Variants in FSTL4 observed in about 807,000 individuals in gnomAD.
The protein encoded by FSTL4 is follistatin like 4, also known as follistatin-related protein 4.
In FSTL4, 28 loss-of-function variants were observed where a neutral mutation model predicts 78.2. The ratio of observed to expected loss-of-function variants is 0.36; its 90% CI spans 0.27 to 0.49. The LOEUF is 0.49. FSTL4 is among the 20% of genes least tolerant of loss of function. The probability of loss-of-function intolerance (pLI) is 0.98; values close to 1 mark genes in which losing one functional copy is unlikely to be tolerated. For missense variants in FSTL4, 922 were observed against 1,084.9 expected, an observed-to-expected ratio of 0.85 and a Z score of 2.11; for synonymous variants, 422 against 440.5, an observed-to-expected ratio of 0.96 and a Z score of 0.53.
chr5:133,543,635 T>C (rs1273806648), intron 3 of FSTL4, among the ~76,000 whole-genome samples: 1 of 152,176 alleles, frequency 6.6e-6, no homozygotes, highest in Non-Finnish European at 1.5e-5. Context: ...TTCTGGAATA[T>C]TGTTTTTCAT....
intron 14 of FSTL4, among the ~76,000 whole-genome samples, chr5:133,203,842 ACTT>A (rs1330962522): frequency 2.0e-5 from 3 of 152,202 alleles, no homozygotes; most frequent in Admixed American, 6.5e-5. Flanking sequence ...TTCAGAGGTT[ACTT>A]CATCAAAACG....
intron 3 of FSTL4, among the ~76,000 whole-genome samples, chr5:133,467,054 ATATG>A (rs995879572): frequency 8.6e-5 from 13 of 151,306 alleles, no homozygotes; most frequent in African/African-American, 1.9e-4. Flanking sequence ...TTGTATGAGT[ATATG>A]TATGTATGTG....
intron 8 of FSTL4, among the ~76,000 whole-genome samples, chr5:133,226,749 C>T (rs1475847538): frequency 6.6e-6 from 1 of 152,228 alleles, no homozygotes; most frequent in African/African-American, 2.4e-5. Context: ...CTACATTTTC[C>T]TAGAGTTATC....
intron 3 of FSTL4, among the ~76,000 whole-genome samples, chr5:133,412,266 T>C (rs1756491257): frequency 6.6e-6 from 1 of 152,140 alleles, no homozygotes; most frequent in Non-Finnish European, 1.5e-5. Context: ...AGAAAGCTGC[T>C]GTGATAAAAT....
intron 3 of FSTL4, among the ~76,000 whole-genome samples, chr5:133,503,107 T>C (rs1758536137): frequency 6.6e-6 from 1 of 152,248 alleles, no homozygotes; most frequent in Non-Finnish European, 1.5e-5. Context: ...TACTCGCTCA[T>C]TAGCAGAAAG....
At chr5:133,249,616 C>T in intron 6 of FSTL4, 40 bp from the exon 7 acceptor site, 1 of 1,563,986 alleles carries the variant, frequency 6.4e-7, no homozygotes, top group East Asian at 2.3e-5. Context: ...GGTGCAGGCC[C>T]AGGGATTGGA....
In FSTL4 at chr5:133,232,955, G is replaced by A. The variant is rs546826328; in HGVS notation, c.1015+462C>T. 1.1e-4 allele frequency among the ~76,000 whole-genome samples: 16 copies of A among 152,366 alleles called. No individual in the cohort carries two copies. The South Asian group carries it at 3.3e-3, about 32-fold the overall frequency. ...GATGAGGCTCATTGGGCCTCCTGGGGAGGGAGACGGACACAAGCCCTTGTC... is the reference window on the plus strand; with the variant it reads ...GATGAGGCTCATTGGGCCTCCTGGGAAGGGAGACGGACACAAGCCCTTGTC... On this transcript the variant is annotated intron_variant, in intron 8 of 15. Coordinates refer to ENST00000265342, the MANE Select transcript of FSTL4 (RefSeq NM_015082.2).
intron 4 of FSTL4, 69 bp downstream of exon 4, chr5:133,400,669 A>C: frequency 4.3e-6 from 6 of 1,394,986 alleles, no homozygotes; most frequent in Non-Finnish European, 6.1e-6. Flanking sequence ...CACCCAGGTC[A>C]CTTGTCAAAA....
chr5:133,798,877 G>T, the FSTL4 span, among the ~76,000 whole-genome samples: 1 of 150,730 alleles, frequency 6.6e-6, no homozygotes, highest in East Asian at 1.9e-4. Flanking sequence ...CTCCTACGGT[G>T]GGCCTAGGAC....
At position 133,433,504 on chromosome 5, in the gene FSTL4, A is replaced by G. The variant is rs1404150298; in HGVS notation, c.161-32518T>C. Among the ~76,000 whole-genome samples, 5 of 152,240 alleles carry G rather than the reference A, an allele frequency of 3.3e-5. No homozygotes were observed. In the East Asian group the frequency reaches 7.7e-4, roughly 23 times the overall value. On this transcript the variant is annotated intron_variant, in intron 3 of 15. Coordinates refer to ENST00000265342, the MANE Select transcript of FSTL4 (RefSeq NM_015082.2). Reference sequence around the variant, plus strand: ...ATGAAATGTTTTTGGTTTGATTTCTATTTCATTCATGTGGCAAGCATTTAT... The same window carrying G: ...ATGAAATGTTTTTGGTTTGATTTCTGTTTCATTCATGTGGCAAGCATTTAT...
At position 133,548,103 on chromosome 5, in the gene FSTL4, T is replaced by C. The variant is rs1002160744; in HGVS notation, c.160+19083A>G. 5.9e-5 allele frequency among the ~76,000 whole-genome samples: 9 copies of C among 152,340 alleles called. No individual in the cohort carries two copies. In the East Asian group the frequency reaches 1.7e-3, roughly 29 times the overall value. ...TAGGACCCTCCCAGACCTTGCTCTA[T>C]GTATTTCTTCATTTGGCTTCATCTG... On this transcript the variant is annotated intron_variant, in intron 3 of 15. Transcript: ENST00000265342.
At chr5:133,351,165 ATAT>A (rs1270888964) in intron 4 of FSTL4, among the ~76,000 whole-genome samples, 1 of 152,058 alleles carries the variant, frequency 6.6e-6, no homozygotes, top group Non-Finnish European at 1.5e-5. Flanking sequence ...GTAGCTTCTA[ATAT>A]TATTCCATTG....
At chr5:133,479,921 T>C (rs1322877471) in intron 3 of FSTL4, among the ~76,000 whole-genome samples, 1 of 152,194 alleles carries the variant, frequency 6.6e-6, no homozygotes, top group Non-Finnish European at 1.5e-5. Context: ...CCTGTGGTCT[T>C]TGGGAAATGC....
At chr5:133,649,263 A>T in the FSTL4 span, among the ~76,000 whole-genome samples, 1 of 152,212 alleles carries the variant, frequency 6.6e-6, no homozygotes, top group East Asian at 1.9e-4. Flanking sequence ...CCATTTGCCT[A>T]CTGAAGGACA....
chr5:133,722,954 G>T, the FSTL4 span, among the ~76,000 whole-genome samples: 2 of 152,324 alleles, frequency 1.3e-5, no homozygotes, highest in South Asian at 4.1e-4. Context: ...TTAGGTCAAA[G>T]GCGTTAGTGA....
the FSTL4 span, among the ~76,000 whole-genome samples, chr5:133,654,547 A>C: frequency 5.3e-5 from 8 of 152,296 alleles, no homozygotes; most frequent in East Asian, 1.5e-3. Flanking sequence ...CATTGCCTGC[A>C]TTCTCTATGG....
the FSTL4 span, among the ~76,000 whole-genome samples, chr5:133,824,399 A>G: frequency 1.3e-5 from 2 of 152,364 alleles, no homozygotes; most frequent in South Asian, 4.1e-4. Context: ...TCCACAGAAC[A>G]AGGCATGTGC....
chr5:133,358,093 C>G (rs1467692217), intron 4 of FSTL4, among the ~76,000 whole-genome samples: 1 of 152,184 alleles, frequency 6.6e-6, no homozygotes. Flanking sequence ...TAGGATGCCA[C>G]CTGGCCTGAC....
the FSTL4 span, among the ~76,000 whole-genome samples, chr5:133,692,802 A>C: frequency 6.6e-6 from 1 of 151,858 alleles, no homozygotes; most frequent in African/African-American, 2.4e-5. Flanking sequence ...TTATTATCCA[A>C]TGACTTCCTA....
Sources: gnomAD v4.1 joint callset for allele counts (sites outside exome capture counted in the v4.1 genomes callset) on GRCh38, gnomAD v4.1.1 for gene constraint, MANE v1.5 for transcripts, NCBI Gene and HGNC (gene_info 2026-07-23, HGNC 2026-07-21) for gene names.